The following RAB2A variants were observed in gnomAD, a reference collection of about 807,000 sequenced individuals.
RAB2A encodes ras-related protein Rab-2A.
RAB2A carries 7 observed loss-of-function variants against 32.5 expected under a neutral mutation model. The ratio of observed to expected loss-of-function variants is 0.22; its 90% CI spans 0.12 to 0.40. RAB2A has a LOEUF of 0.40. RAB2A is among the 10% of genes least tolerant of loss of function. RAB2A has a pLI of 1.00. For synonymous variants in RAB2A, 79 were observed against 85.2 expected (o/e 0.93, Z 0.40); for missense variants, 108 against 260.7 (o/e 0.41, Z 4.03).
intron 5 of RAB2A, among the ~76,000 whole-genome samples, chr8:60,590,516 C>T (rs975061449): frequency 1.4e-5 from 2 of 144,662 alleles, no homozygotes; most frequent in Admixed American, 1.4e-4. Flanking sequence ...AGCCTTGGCA[C>T]GTGTATACAC....
chr8:60,605,731 G>A (rs189861445), intron 6 of RAB2A, among the ~76,000 whole-genome samples: 245 of 151,644 alleles, frequency 1.6e-3, no homozygotes, highest in South Asian at 5.6e-3. Flanking sequence ...CCAATTTTTC[G>A]TTTTTGGAAT....
intron 1 of RAB2A, among the ~76,000 whole-genome samples, chr8:60,536,216 T>A (rs1399102831): frequency 6.6e-6 from 1 of 152,208 alleles, no homozygotes; most frequent in East Asian, 1.9e-4. Context: ...CAACATTAAT[T>A]GTGTATATTA....
At chr8:60,563,674 ATT>A (rs1808060658) in intron 2 of RAB2A, among the ~76,000 whole-genome samples, 3 of 152,292 alleles carry the variant, frequency 2.0e-5, no homozygotes, top group African/African-American at 7.2e-5. Context: ...CCATTTCAGA[ATT>A]TAGTTTCATG....
intron 2 of RAB2A, chr8:60,569,895 T>A (rs1808171809): frequency 2.2e-6 from 1 of 445,778 alleles, no homozygotes; most frequent in South Asian, 1.6e-5. Context: ...TATTCTAGAA[T>A]GTCTGTAGTT....
chr8:60,605,813 T>C (rs1162002490), intron 6 of RAB2A, among the ~76,000 whole-genome samples: 3 of 129,492 alleles, frequency 2.3e-5, no homozygotes, highest in African/African-American at 1.2e-4. Context: ...TACAGGCTCA[T>C]AGGCAAAAGG....
intron 5 of RAB2A, 24 bp downstream of exon 5, chr8:60,584,839 A>C: frequency 6.6e-7 from 1 of 1,524,348 alleles, no homozygotes; most frequent in Non-Finnish European, 9.1e-7. Context: ...TTTAGAGCTT[A>C]CATTGCATTA....
chr8:60,516,948 T>TCGGCGCGGAGGCGGGGCGGAGG (rs1807212099), upstream of RAB2A: 1 of 358,676 alleles, frequency 2.8e-6, no homozygotes, highest in Non-Finnish European at 5.0e-6. Context: ...AACTTCCGGG[T>TCGGCGCGGAGGCGGGGCGGAGG]CGGCGCGGAG....
In RAB2A at chr8:60,558,837, T is replaced by G; in HGVS notation, c.47-15T>G. On this transcript the variant is annotated splice_polypyrimidine_tract_variant and intron_variant, in intron 1 of 7. Transcript: ENST00000262646. ...TGTGAATTTTGTCTCTTATTTATTT[T>G]TTTTTAACTTTCAGGTGTTGGTAAA... 1 of 1,603,350 alleles carries G rather than the reference T, an allele frequency of 6.2e-7. No individual in the cohort carries two copies. Among genetic ancestry groups the G allele is most frequent in the Non-Finnish European group, 8.5e-7 (1 of 1,170,798 alleles).
chr8:60,572,539 T>G (rs1366693926), intron 3 of RAB2A, among the ~76,000 whole-genome samples: 1 of 152,212 alleles, frequency 6.6e-6, no homozygotes, highest in Non-Finnish European at 1.5e-5. Context: ...CCTAATTCTG[T>G]CATACCCTTG....
chr8:60,552,916 T>G (rs564518679), intron 1 of RAB2A: 1 of 152,284 alleles, frequency 6.6e-6, no homozygotes, highest in East Asian at 1.9e-4. Flanking sequence ...TGCAAGTGAT[T>G]TCTGTCCTAA....
At chr8:60,552,020 T>TTTTTTTTTTTTTTA (rs55825534) in intron 1 of RAB2A, 1 of 148,930 alleles carries the variant, frequency 6.7e-6, no homozygotes, top group Non-Finnish European at 1.5e-5. Flanking sequence ...TTTTTTTTTT[T>TTTTTTTTTTTTTTA]AAGATGGAGT....
At chr8:60,606,113 C>T (rs1804227059) in intron 6 of RAB2A, among the ~76,000 whole-genome samples, 1 of 152,052 alleles carries the variant, frequency 6.6e-6, no homozygotes. Flanking sequence ...TGCACCACTG[C>T]ACTCCAGCCT....
chr8:60,521,106 C>T (rs1352562416), intron 1 of RAB2A, among the ~76,000 whole-genome samples: 1 of 152,252 alleles, frequency 6.6e-6, no homozygotes, highest in African/African-American at 2.4e-5. Flanking sequence ...CAAGCCACAG[C>T]TCTCAGCCCC....
chr8:60,620,447 C>T (rs756080602), intron 7 of RAB2A, among the ~76,000 whole-genome samples: 5 of 152,188 alleles, frequency 3.3e-5, no homozygotes, highest in Non-Finnish European at 7.3e-5. Flanking sequence ...CTGTTTACCC[C>T]GTACCTGGTA....
intron 1 of RAB2A, chr8:60,552,000 A>AGTTTTTT (rs1408060615): frequency 3.1e-4 from 19 of 61,034 alleles, no homozygotes; most frequent in African/African-American, 1.9e-3. Flanking sequence ...AGTAGCTGGG[A>AGTTTTTT]GTTTTTTTTT....
chr8:60,535,852 C>T (rs1807548560), intron 1 of RAB2A, among the ~76,000 whole-genome samples: 1 of 152,144 alleles, frequency 6.6e-6, no homozygotes, highest in Non-Finnish European at 1.5e-5. Flanking sequence ...GATATTGCAG[C>T]ACTTTTTCAA....
intron 5 of RAB2A, among the ~76,000 whole-genome samples, chr8:60,591,041 G>T (rs1468853410): frequency 6.6e-6 from 1 of 151,844 alleles, no homozygotes; most frequent in African/African-American, 2.4e-5. Context: ...GTCAAGGCTA[G>T]CTGGAAGTAT....
intron 7 of RAB2A, 123 bp downstream of exon 7, chr8:60,618,771 A>G (rs1804487976): frequency 3.0e-6 from 1 of 328,864 alleles, no homozygotes; most frequent in Admixed American, 6.1e-5. Context: ...ATCAATCATG[A>G]TAATCAGTTA....
intron 1 of RAB2A, among the ~76,000 whole-genome samples, chr8:60,545,861 A>G (rs1453936587): frequency 2.0e-5 from 3 of 152,358 alleles, no homozygotes; most frequent in African/African-American, 7.2e-5. Flanking sequence ...TCATTAAACA[A>G]ATTCATTATT....
Sources: allele counts gnomAD v4.1 joint callset (sites outside exome capture counted in the v4.1 genomes callset), GRCh38; gene constraint gnomAD v4.1.1; transcripts MANE v1.5; gene names NCBI Gene and HGNC (gene_info 2026-07-23, HGNC 2026-07-21).